The following PRH1 variants were observed in gnomAD, a reference collection of about 807,000 sequenced individuals.
PRH1 encodes salivary acidic proline-rich phosphoprotein 1/2.
Under a neutral mutation model 7.9 loss-of-function variants are expected in PRH1, and 7 were observed. The ratio of observed to expected loss-of-function variants is 0.89; its 90% CI spans 0.50 to 1.67. The LOEUF (loss-of-function observed/expected upper bound fraction) is 1.67. Among genes scored for constraint, PRH1 ranks in the 40% most tolerant of loss-of-function variants. The pLI, the probability that PRH1 is intolerant of heterozygous loss-of-function variation, is 0.00. For missense variants in PRH1, 109 were observed against 223.6 expected (o/e 0.49, Z 3.27); for synonymous variants, 45 against 80.8 (o/e 0.56, Z 2.38).
chr12:10,908,519 T>C (rs747923980), intron 2 of PRH1: 3 of 1,613,914 alleles, frequency 1.9e-6, no homozygotes, highest in Non-Finnish European at 2.5e-6. Flanking sequence ...TGTAGATCAC[T>C]GTGTTCTGAT....
chr12:10,881,509 G>A (rs565258092), intron 3 of PRH1, among the ~76,000 whole-genome samples: 7 of 152,284 alleles, frequency 4.6e-5, no homozygotes, highest in African/African-American at 1.4e-4. Flanking sequence ...GAACTCATGA[G>A]AAAGTTTTCT....
chr12:11,052,581 C>T (rs905457488), intron 1 of PRH1, among the ~76,000 whole-genome samples: 7 of 152,158 alleles, frequency 4.6e-5, no homozygotes, highest in East Asian at 3.9e-4. Context: ...ACATTTCTCT[C>T]GCTCTGTTTT....
chr12:11,170,702 A>G (rs1179574136), intron 1 of PRH1, among the ~76,000 whole-genome samples: 1 of 152,182 alleles, frequency 6.6e-6, no homozygotes, highest in Non-Finnish European at 1.5e-5. Flanking sequence ...CTGGGAATAT[A>G]ATTTTGTATG....
At chr12:10,996,334 A>G in intron 1 of PRH1, among the ~76,000 whole-genome samples, 1 of 151,864 alleles carries the variant, frequency 6.6e-6, no homozygotes, top group Non-Finnish European at 1.5e-5. Flanking sequence ...ATCTCAAAAA[A>G]AAGAAAAAAA....
At chr12:11,118,404 C>A (rs1255264426), downstream of PRH1, among the ~76,000 whole-genome samples, 1 of 152,102 alleles carries the variant, frequency 6.6e-6, no homozygotes, top group Non-Finnish European at 1.5e-5. Context: ...AGCTTATATA[C>A]AAAAGACAGG....
At chr12:10,962,705 T>C (rs982922805) in intron 2 of PRH1, among the ~76,000 whole-genome samples, 6 of 151,790 alleles carry the variant, frequency 4.0e-5, no homozygotes, top group Non-Finnish European at 7.3e-5. Context: ...TGGCTATCTA[T>C]TTTTTATGTG....
intron 1 of PRH1, among the ~76,000 whole-genome samples, chr12:10,992,447 G>A (rs1013215904): frequency 6.6e-6 from 1 of 152,096 alleles, no homozygotes; most frequent in Admixed American, 6.6e-5. Flanking sequence ...TGGTTGCCCA[G>A]GCTAGAGTGC....
At chr12:11,040,817 C>T (rs1447353924) in intron 1 of PRH1, among the ~76,000 whole-genome samples, 1 of 152,158 alleles carries the variant, frequency 6.6e-6, no homozygotes. Context: ...GGTGCAGAGT[C>T]CTCATTTGTT....
At chr12:11,133,120 TAC>T (rs10645657) in intron 1 of PRH1, 1,156 of 493,632 alleles carry the variant, frequency 2.3e-3, no homozygotes, top group South Asian at 4.4e-3. Context: ...CAGTTTTTCA[TAC>T]ACACACACAC....
intron 1 of PRH1, among the ~76,000 whole-genome samples, chr12:10,987,317 T>TGTATG (rs1454027626): frequency 1.3e-5 from 2 of 152,156 alleles, no homozygotes; most frequent in Non-Finnish European, 2.9e-5. Flanking sequence ...AGTAAATGTC[T>TGTATG]AAGTTCTTTA....
upstream of PRH1, among the ~76,000 whole-genome samples, chr12:10,888,205 C>A (rs1949522147): frequency 6.6e-6 from 1 of 152,316 alleles, no homozygotes; most frequent in South Asian, 2.1e-4. Context: ...CTTATGGTTA[C>A]ATTGAGTCCA....
At chr12:10,930,545 G>A (rs1202720739) in intron 2 of PRH1, 1 of 1,536,762 alleles carries the variant, frequency 6.5e-7, no homozygotes, top group South Asian at 1.3e-5. Context: ...GGGGGAGGTT[G>A]GGAGTTGAGA....
chr12:11,054,084 T>G (rs1943261564), intron 1 of PRH1, among the ~76,000 whole-genome samples: 1 of 152,180 alleles, frequency 6.6e-6, no homozygotes, highest in Non-Finnish European at 1.5e-5. Flanking sequence ...ACTTCCAAAG[T>G]GCTGGGATTA....
intron 1 of PRH1, among the ~76,000 whole-genome samples, chr12:11,070,772 C>CA (rs1565620114): frequency 4.0e-5 from 6 of 151,502 alleles, no homozygotes; most frequent in African/African-American, 1.5e-4. Context: ...CCAAAAGACA[C>CA]TGTGGTCCAT....
chr12:11,079,467 T>TA (rs1484761473), intron 1 of PRH1, among the ~76,000 whole-genome samples: 1 of 118,042 alleles, frequency 8.5e-6, no homozygotes, highest in East Asian at 2.1e-4. Context: ...ATGCAGTACA[T>TA]GGCCCGTCTC....
At chr12:10,930,369 C>T in intron 2 of PRH1, 1 of 1,562,374 alleles carries the variant, frequency 6.4e-7, no homozygotes. Flanking sequence ...GATCAGTTCT[C>T]CAGTGTCTTC....
intron 1 of PRH1, among the ~76,000 whole-genome samples, chr12:10,989,180 C>T (rs1223294154): frequency 6.6e-6 from 1 of 151,722 alleles, no homozygotes; most frequent in African/African-American, 2.4e-5. Flanking sequence ...CTACTTTAAA[C>T]CTTTAAGCCA....
upstream of PRH1, among the ~76,000 whole-genome samples, chr12:11,048,141 CAT>C (rs764282318): frequency 7.5e-5 from 10 of 133,604 alleles, no homozygotes; most frequent in African/African-American, 1.1e-4. Context: ...TACCCACACA[CAT>C]ATATGTGTGT....
chr12:10,946,488 T>C (rs1950489339), intron 2 of PRH1, among the ~76,000 whole-genome samples: 1 of 152,186 alleles, frequency 6.6e-6, no homozygotes, highest in Non-Finnish European at 1.5e-5. Flanking sequence ...AGTAATAACA[T>C]TCCTTTAAAT....
Sources: gnomAD v4.1 joint callset for allele counts (sites outside exome capture counted in the v4.1 genomes callset) on GRCh38, gnomAD v4.1.1 for gene constraint, MANE v1.5 for transcripts, NCBI Gene and HGNC (gene_info 2026-07-23, HGNC 2026-07-21) for gene names.